The following PLSCR2 variants were observed in gnomAD, a reference collection of about 807,000 sequenced individuals.
The protein encoded by PLSCR2 is PL scramblase 2.
A neutral mutation model predicts 25.3 loss-of-function variants in PLSCR2; 18 were observed. That is an observed-to-expected ratio of 0.71 (90% CI 0.49 to 1.06). PLSCR2 has a LOEUF of 1.06. PLSCR2 is among the 50% of genes least tolerant of loss of function. The probability of loss-of-function intolerance (pLI) is 0.00; values close to 1 mark genes in which losing one functional copy is unlikely to be tolerated. For synonymous variants in PLSCR2, 88 were observed against 87.3 expected (o/e 1.01, Z -0.04); for missense variants, 243 against 269.5 (o/e 0.90, Z 0.69).
chr3:146,455,512 C>T (rs2041165717), intron 3 of PLSCR2, 53 bp from the exon 4 acceptor site: 2 of 1,061,848 alleles, frequency 1.9e-6, no homozygotes, highest in Admixed American at 1.8e-5. Flanking sequence ...TTGAACCTAT[C>T]TTAAGATATT....
intron 2 of PLSCR2, among the ~76,000 whole-genome samples, chr3:146,396,765 C>CAAGT (rs2038288776): frequency 6.6e-6 from 1 of 152,160 alleles, no homozygotes; most frequent in Non-Finnish European, 1.5e-5. Flanking sequence ...GCTCATAACA[C>CAAGT]AGCCTTGTAA....
At chr3:146,421,386 GT>G (rs1416856433) in intron 2 of PLSCR2, among the ~76,000 whole-genome samples, 1 of 151,918 alleles carries the variant, frequency 6.6e-6, no homozygotes, top group Admixed American at 6.6e-5. Flanking sequence ...CATCAGAAAG[GT>G]TATAGATTCT....
chr3:146,406,677 T>C (rs2038670172), intron 2 of PLSCR2, among the ~76,000 whole-genome samples: 1 of 152,164 alleles, frequency 6.6e-6, no homozygotes, highest in South Asian at 2.1e-4. Context: ...ATGTTTTTAG[T>C]TGGGCTCTGT....
At chr3:146,488,025 C>T (rs1038662212) in intron 1 of PLSCR2, among the ~76,000 whole-genome samples, 6 of 152,080 alleles carry the variant, frequency 3.9e-5, no homozygotes, top group African/African-American at 9.7e-5. Flanking sequence ...GACCAGACAT[C>T]TACAACCATC....
chr3:146,394,054 T>C (rs1352699778), intron 3 of PLSCR2, among the ~76,000 whole-genome samples: 1 of 152,114 alleles, frequency 6.6e-6, no homozygotes, highest in Non-Finnish European at 1.5e-5. Context: ...ATAGAAGCTT[T>C]ATCATTGTAG....
chr3:146,439,536 A>G (rs2108219539), downstream of PLSCR2, among the ~76,000 whole-genome samples: 1 of 152,192 alleles, frequency 6.6e-6, no homozygotes, highest in East Asian at 1.9e-4. Context: ...ATCTTCAATC[A>G]CTGATACCCT....
At chr3:146,394,984 C>T (rs2038225459) in intron 3 of PLSCR2, among the ~76,000 whole-genome samples, 1 of 152,206 alleles carries the variant, frequency 6.6e-6, no homozygotes, top group Non-Finnish European at 1.5e-5. Context: ...TTCCCCTTCA[C>T]CTTCCACCAT....
intron 2 of PLSCR2, among the ~76,000 whole-genome samples, chr3:146,414,690 G>A (rs2038957442): frequency 6.6e-6 from 1 of 152,030 alleles, no homozygotes; most frequent in Admixed American, 6.6e-5. Context: ...AAGGTAAACA[G>A]TTAAATTCTA....
chr3:146,407,036 G>T (rs2108022063), intron 2 of PLSCR2, among the ~76,000 whole-genome samples: 1 of 152,312 alleles, frequency 6.6e-6, no homozygotes, highest in South Asian at 2.1e-4. Flanking sequence ...ATTTTAAAAG[G>T]TGACAACCTA....
chr3:146,483,437 ATATATACACAT>A (rs2043205104), intron 1 of PLSCR2, among the ~76,000 whole-genome samples: 1 of 70,152 alleles, frequency 1.4e-5, no homozygotes, highest in Non-Finnish European at 3.0e-5. Context: ...TAATATATAT[ATATATACACAT>A]GTATGTATAT....
rs147494681 is a variant in PLSCR2 at position 146,418,321 on chromosome 3, C to T, written c.101-22400G>A. ...AACACATTACAGTATCTACTTAAGT[C>T]CAAAATCTCAAATAAACCTCATCAG... On this transcript the variant is annotated intron_variant and NMD_transcript_variant, in intron 2 of 3. Transcript: ENST00000463633. Among the ~76,000 whole-genome samples the T allele has an allele frequency of 1.8e-3, 275 of 152,182 alleles. 1 individual carries two copies. Among genetic ancestry groups the T allele is most frequent in the African/African-American group, 6.4e-3 (265 of 41,532 alleles).
At chr3:146,475,340 G>A (rs780880834) in intron 1 of PLSCR2, among the ~76,000 whole-genome samples, 6 of 152,056 alleles carry the variant, frequency 3.9e-5, no homozygotes, top group Non-Finnish European at 7.4e-5. Context: ...GGGCCATTTT[G>A]TGGGGGCCAT....
intron 1 of PLSCR2, among the ~76,000 whole-genome samples, chr3:146,477,836 C>T (rs2042973703): frequency 6.6e-6 from 1 of 152,172 alleles, no homozygotes; most frequent in Non-Finnish European, 1.5e-5. Flanking sequence ...CCAGTAGGGG[C>T]TGACACACAC....
intron 2 of PLSCR2, among the ~76,000 whole-genome samples, chr3:146,414,159 C>T (rs1367589485): frequency 6.6e-6 from 1 of 152,192 alleles, no homozygotes; most frequent in African/African-American, 2.4e-5. Flanking sequence ...AACTAACCTA[C>T]TCCTGAGATA....
chr3:146,403,661 AT>A (rs1301569034), intron 2 of PLSCR2, among the ~76,000 whole-genome samples: 1 of 152,030 alleles, frequency 6.6e-6, no homozygotes, highest in African/African-American at 2.4e-5. Context: ...TATGCTATAT[AT>A]TTTATTTAAG....
intron 1 of PLSCR2, among the ~76,000 whole-genome samples, chr3:146,480,441 A>G (rs1008781836): frequency 6.6e-6 from 1 of 152,136 alleles, no homozygotes; most frequent in Non-Finnish European, 1.5e-5. Flanking sequence ...AAACTACCAT[A>G]AGAGAAAACT....
downstream of PLSCR2, among the ~76,000 whole-genome samples, chr3:146,437,769 C>A (rs1260241678): frequency 1.3e-5 from 2 of 152,028 alleles, no homozygotes; most frequent in Non-Finnish European, 1.5e-5. Flanking sequence ...GTGTCTCTAT[C>A]TCCTTCACTT....
At chr3:146,453,503 G>A (rs566272658) in intron 5 of PLSCR2, among the ~76,000 whole-genome samples, 1 of 152,100 alleles carries the variant, frequency 6.6e-6, no homozygotes, top group South Asian at 2.1e-4. Flanking sequence ...GGTTAAAGAA[G>A]AGACCACAGA....
chr3:146,418,519 G>T (rs2039054673), intron 2 of PLSCR2, among the ~76,000 whole-genome samples: 1 of 152,086 alleles, frequency 6.6e-6, no homozygotes, highest in Admixed American at 6.6e-5. Flanking sequence ...AGGCATTTCT[G>T]TTCAAAGAGG....
Sources: gnomAD v4.1 joint callset for allele counts (sites outside exome capture counted in the v4.1 genomes callset) on GRCh38, gnomAD v4.1.1 for gene constraint, MANE v1.5 for transcripts, NCBI Gene and HGNC (gene_info 2026-07-23, HGNC 2026-07-21) for gene names.